Variants in LRRC7 observed in about 807,000 individuals in gnomAD.
The protein encoded by LRRC7 is leucine-rich repeat-containing protein 7.
LRRC7 carries 23 observed loss-of-function variants against 175.7 expected under a neutral mutation model. The observed-to-expected ratio is 0.13, with a 90% CI of 0.09 to 0.19. The LOEUF (loss-of-function observed/expected upper bound fraction) is 0.19. LRRC7 is among the 10% of genes least tolerant of loss of function. The pLI, the probability that LRRC7 is intolerant of heterozygous loss-of-function variation, is 1.00. For missense variants in LRRC7, 1,354 were observed against 1,904.7 expected, an observed-to-expected ratio of 0.71 and a Z score of 5.38; for synonymous variants, 685 against 680.9, an observed-to-expected ratio of 1.01 and a Z score of -0.09.
At chr1:69,578,880 C>T (rs1217090711) in intron 1 of LRRC7, among the ~76,000 whole-genome samples, 4 of 149,468 alleles carry the variant, frequency 2.7e-5, no homozygotes, top group African/African-American at 7.4e-5. Flanking sequence ...CAGCATGGCA[C>T]ATGTATACAT....
chr1:69,591,982 T>A (rs1160345123), intron 1 of LRRC7, among the ~76,000 whole-genome samples: 1 of 152,096 alleles, frequency 6.6e-6, no homozygotes, highest in African/African-American at 2.4e-5. Context: ...TTAAGTTCCC[T>A]ATGTGCAAGG....
intron 23 of LRRC7, among the ~76,000 whole-genome samples, chr1:70,066,754 A>G (rs1305546699): frequency 6.6e-6 from 1 of 152,102 alleles, no homozygotes; most frequent in East Asian, 1.9e-4. Flanking sequence ...GTCCAGGAAT[A>G]CAACTGCTGG....
At chr1:69,741,890 C>G (rs1360536052) in intron 2 of LRRC7, among the ~76,000 whole-genome samples, 1 of 152,014 alleles carries the variant, frequency 6.6e-6, no homozygotes, top group East Asian at 1.9e-4. Context: ...AAACGCAAAT[C>G]TGATCAGACC....
At chr1:69,936,125 C>G (rs1647991044) in intron 8 of LRRC7, among the ~76,000 whole-genome samples, 2 of 152,100 alleles carry the variant, frequency 1.3e-5, no homozygotes, top group Non-Finnish European at 2.9e-5. Flanking sequence ...GAGTTACTTT[C>G]CTTATTTTCT....
chr1:69,804,776 G>A (rs1325605199), intron 4 of LRRC7, among the ~76,000 whole-genome samples: 1 of 151,672 alleles, frequency 6.6e-6, no homozygotes, highest in Non-Finnish European at 1.5e-5. Flanking sequence ...GTGCATCAGA[G>A]ATGAATACAT....
chr1:69,926,927 A>T (rs1421540694), intron 7 of LRRC7, among the ~76,000 whole-genome samples: 3 of 152,076 alleles, frequency 2.0e-5, no homozygotes, highest in Non-Finnish European at 2.9e-5. Context: ...TTTTGGCATG[A>T]TTTTGCAGTG....
rs1306432608 is a variant in LRRC7, at chr1:70,130,789, G to A, written c.*8902G>A. ...AATTTTTACAATTTGGATGTGGAGG[G>A]AAGAATAAAAGATGTCATGAGAGAG... On this transcript the variant is annotated 3_prime_UTR_variant, in exon 27 of 27. Transcript: ENST00000651989. 6.6e-6 allele frequency among the ~76,000 whole-genome samples: 1 copy of A among 152,156 alleles called. No homozygotes were observed. The highest frequency in any genetic ancestry group is 1.5e-5 in the Non-Finnish European group (1 of 68,024).
intron 9 of LRRC7, among the ~76,000 whole-genome samples, chr1:69,981,957 G>A (rs1653479276): frequency 6.6e-6 from 1 of 152,160 alleles, no homozygotes; most frequent in African/African-American, 2.4e-5. Context: ...ACTGGCCCAA[G>A]ATAACACAGC....
At chr1:69,926,639 T>C (rs1179030905) in intron 7 of LRRC7, among the ~76,000 whole-genome samples, 4 of 151,808 alleles carry the variant, frequency 2.6e-5, no homozygotes, top group East Asian at 3.9e-4. Context: ...ACCCCTGCCT[T>C]TTTTTGTTTC....
chr1:69,832,833 G>A (rs901393434), intron 5 of LRRC7, among the ~76,000 whole-genome samples: 7 of 152,116 alleles, frequency 4.6e-5, no homozygotes, highest in Admixed American at 2.6e-4. Context: ...GGTCAGGCAC[G>A]GTGGCTCATG....
chr1:70,078,798 G>GCA (rs1327136403), intron 24 of LRRC7, among the ~76,000 whole-genome samples: 108 of 101,270 alleles, frequency 1.1e-3, no homozygotes, highest in African/African-American at 6.5e-3. Flanking sequence ...ATATACGCGC[G>GCA]CGCGCGCGCG....
At chr1:69,815,193 A>G (rs1029242404) in intron 4 of LRRC7, among the ~76,000 whole-genome samples, 2 of 152,126 alleles carry the variant, frequency 1.3e-5, no homozygotes, top group African/African-American at 2.4e-5. Context: ...ATGTTGGACC[A>G]TCTGGTTCCT....
At position 69,745,398 on chromosome 1, in the gene LRRC7, G is replaced by A. The variant is rs148559419; in HGVS notation, c.101-14793G>A. ...ACAATACTTTGGGGAGTATACATTG[G>A]TAAAAATAATTAAGCAATTTTGCAA... On this transcript the variant is annotated intron_variant, in intron 2 of 26. Transcript: ENST00000651989. Among the ~76,000 whole-genome samples the A allele has an allele frequency of 7.8e-4, 119 of 152,020 alleles. 1 individual carries two copies. The highest frequency in any genetic ancestry group is 2.7e-3 in the African/African-American group (111 of 41,526).
intron 23 of LRRC7, among the ~76,000 whole-genome samples, chr1:70,070,467 G>A (rs1662297851): frequency 6.6e-6 from 1 of 151,890 alleles, no homozygotes; most frequent in African/African-American, 2.4e-5. Flanking sequence ...TTTTTTATTT[G>A]GTTTGAGATC....
In LRRC7 at chr1:70,084,281, G is replaced by A. The variant is rs577064681; in HGVS notation, c.4453-5446G>A. ...AATCTAACTTTATGACATTTTCATC[G>A]TTCAAAAAAAAACTTTGCATCCTTG... On this transcript the variant is annotated intron_variant, in intron 24 of 26. Transcript: ENST00000651989. Among the ~76,000 whole-genome samples, 11 of 151,716 alleles carry A rather than the reference G, an allele frequency of 7.3e-5. No individual in the cohort carries two copies. In the South Asian group the frequency reaches 1.0e-3, roughly 14 times the overall value.
At chr1:69,848,342 A>G (rs890015631) in intron 7 of LRRC7, among the ~76,000 whole-genome samples, 2 of 152,058 alleles carry the variant, frequency 1.3e-5, no homozygotes, top group Non-Finnish European at 2.9e-5. Flanking sequence ...CAGATTTTGG[A>G]ATGGCACAGT....
chr1:69,981,244 C>T (rs1402722852), intron 9 of LRRC7, among the ~76,000 whole-genome samples: 2 of 152,160 alleles, frequency 1.3e-5, no homozygotes, highest in Non-Finnish European at 2.9e-5. Flanking sequence ...AATAAATCTT[C>T]AGCCAACACA....
chr1:69,592,652 C>A (rs1011959344), intron 1 of LRRC7, among the ~76,000 whole-genome samples: 1 of 151,950 alleles, frequency 6.6e-6, no homozygotes, highest in Admixed American at 6.6e-5. Context: ...AATTTAAGAA[C>A]GTATCATAGG....
At chr1:69,864,730 C>A (rs1684726558) in intron 7 of LRRC7, among the ~76,000 whole-genome samples, 1 of 152,088 alleles carries the variant, frequency 6.6e-6, no homozygotes, top group Non-Finnish European at 1.5e-5. Context: ...AACTTTGTAA[C>A]TGAAGAAGAA....
Sources: allele counts gnomAD v4.1 joint callset (sites outside exome capture counted in the v4.1 genomes callset), GRCh38; gene constraint gnomAD v4.1.1; transcripts MANE v1.5; gene names NCBI Gene and HGNC (gene_info 2026-07-23, HGNC 2026-07-21).